Variants in ADGRG4 observed in about 807,000 individuals in gnomAD.
ADGRG4 encodes the protein G protein-coupled receptor 112.
Under a neutral mutation model 126.2 loss-of-function variants are expected in ADGRG4, and 122 were observed. The ratio of observed to expected loss-of-function variants is 0.97; its 90% CI spans 0.83 to 1.12. The LOEUF (loss-of-function observed/expected upper bound fraction) is 1.12, where lower values mean the gene tolerates loss of function less well. ADGRG4 is among the 50% of genes most tolerant of loss of function. The probability of loss-of-function intolerance (pLI) is 0.00; values close to 1 mark genes in which losing one functional copy is unlikely to be tolerated. For synonymous variants in ADGRG4, 943 were observed against 838.7 expected (o/e 1.12, Z -2.15); for missense variants, 2,481 against 2,251.8 (o/e 1.10, Z -2.06).
At chrX:136,399,360 C>G (rs143298371) in intron 20 of ADGRG4, among the ~76,000 whole-genome samples, 3 of 111,909 alleles carry the variant, frequency 2.7e-5, no homozygotes, top group African/African-American at 9.7e-5. Context: ...GGGGGTAATA[C>G]TTTTTTTATT....
Position 136,345,684 on chromosome X carries a change from C to T in ADGRG4, c.1978C>T (p.Pro660Ser), listed in dbSNP as rs747294578. 1 of 1,211,127 alleles carries T rather than the reference C, an allele frequency of 8.3e-7. No individual in the cohort carries two copies. The highest frequency in any genetic ancestry group is 1.1e-6 in the Non-Finnish European group (1 of 894,944). ...CAATGAGACCATTTGGACTTCTAGG[C>T]CAGACCAGGCCCTGCTGGCATCTAT... Reference protein sequence around the residue: ...SSNETIWTSRPDQALLASMNT... With the variant: ...SSNETIWTSRSDQALLASMNT... The change falls in exon 6 of 26, where the codon CCA becomes TCA. Residue 660 changes from proline to serine, a missense_variant. Transcript: ENST00000394143.
intron 21 of ADGRG4, among the ~76,000 whole-genome samples, 178 bp downstream of exon 21, chrX:136,400,294 T>C (rs1396062160): frequency 9.0e-6 from 1 of 111,647 alleles, no homozygotes; most frequent in Non-Finnish European, 1.9e-5. Flanking sequence ...TTAACCTTTA[T>C]GGTGAGGAGC....
chrX:136,393,123 T>C (rs2075328332), intron 17 of ADGRG4, among the ~76,000 whole-genome samples: 2 of 111,792 alleles, frequency 1.8e-5, no homozygotes, highest in African/African-American at 3.3e-5. Context: ...GAATGTTCTG[T>C]AGGCCTAATG....
At chrX:136,395,194 C>T (rs2075339705) in intron 18 of ADGRG4, among the ~76,000 whole-genome samples, 196 bp from the exon 19 acceptor site, 1 of 111,355 alleles carries the variant, frequency 9.0e-6, no homozygotes, top group East Asian at 2.8e-4. Context: ...AGAAGTTGTG[C>T]CATTTACGAA....
intron 16 of ADGRG4, among the ~76,000 whole-genome samples, chrX:136,389,053 G>A (rs1035570633): frequency 3.6e-5 from 4 of 111,716 alleles, no homozygotes; most frequent in Middle Eastern, 4.6e-3. Context: ...CATACCACAC[G>A]CCACCTCAAA....
chrX:136,405,590 A>G (rs2075401405), intron 22 of ADGRG4, 102 bp from the exon 23 acceptor site: 2 of 617,710 alleles, frequency 3.2e-6, no homozygotes, highest in East Asian at 7.1e-5. Flanking sequence ...TCTAGGGCAG[A>G]TGCCCTTAGG....
At chrX:136,406,534 C>T (rs1016662202) in intron 23 of ADGRG4, among the ~76,000 whole-genome samples, 1 of 112,067 alleles carries the variant, frequency 8.9e-6, no homozygotes, top group African/African-American at 3.2e-5. Context: ...GGCCCTAGAG[C>T]TCTTTTAATT....
chrX:136,358,082 A>G (rs2075105488), intron 10 of ADGRG4, among the ~76,000 whole-genome samples: 1 of 111,696 alleles, frequency 9.0e-6, no homozygotes, highest in Non-Finnish European at 1.9e-5. Flanking sequence ...GGAAACAACA[A>G]CAACATGGAA....
Position 136,347,523 on chromosome X carries a change from G to T in ADGRG4, c.3817G>T (p.Glu1273Ter). 8.3e-7 allele frequency: 1 copy of T among 1,209,270 alleles called. No individual in the cohort carries two copies. The highest frequency in any genetic ancestry group is 1.8e-5 in the South Asian group (1 of 56,656). The change falls in exon 6 of 26, where the codon GAG becomes TAG. Residue 1273 changes from glutamate to a stop codon, truncating the protein, a stop_gained. Coordinates refer to ENST00000394143, the MANE Select transcript of ADGRG4 (RefSeq NM_153834.4). LOFTEE classifies it high-confidence loss of function. The stretch of plus-strand genomic sequence containing the variant: ...CCTGGGAAAAACCCCTAGAACTATG[G>T]AGGTGACAGAAATGTCCCCATCAAA... ...ISLGKTPRTM[E>*]VTEMSPSKNS...
rs2148498632 is a variant in ADGRG4, at chrX:136,403,279, G to A, written c.8611G>A (p.Val2871Met). 1 of 1,210,299 alleles carries A rather than the reference G, an allele frequency of 8.3e-7. No homozygotes were observed. Among genetic ancestry groups the A allele is most frequent in the Non-Finnish European group, 1.1e-6 (1 of 894,166 alleles). The part of the protein sequence containing the change: ...PAIMVAITVS[V>M]KKDLYGTLSP... ...TATCATGGTGGCAATCACAGTCAGT[G>A]TGAAAAAAGATCTGTATGGAACTCT... The change falls in exon 22 of 26, where the codon GTG becomes ATG. Residue 2871 changes from valine (V) to methionine (M), a missense_variant. Transcript: ENST00000394143.
At chrX:136,350,455 G>A (rs1379251112) in intron 6 of ADGRG4, 22 bp downstream of exon 6, 3 of 1,177,657 alleles carry the variant, frequency 2.5e-6, no homozygotes, top group Non-Finnish European at 3.4e-6. Flanking sequence ...TAATGCATGT[G>A]GTGTAGCCCC....
Position 136,369,960 on chromosome X carries a change from G to GA in ADGRG4, c.7397-1359dup, listed in dbSNP as rs747648575. Among the ~76,000 whole-genome samples, 25 of 108,399 alleles carry GA rather than the reference G, an allele frequency of 2.3e-4. No homozygotes were observed. In the South Asian group the frequency reaches 3.5e-3, roughly 15 times the overall value. The allele number at this position is 108,399 out of a possible 115,157, so 94.1% of individuals were successfully genotyped here. On this transcript the variant is annotated intron_variant, in intron 13 of 25. Coordinates refer to ENST00000394143, the MANE Select transcript of ADGRG4 (RefSeq NM_153834.4). ...GATGAGAACAGAAAGTTGTTTGCAG[G>GA]AAAAAAAAAGAGAATAAAGAAAGAA...
In ADGRG4 at chrX:136,392,212, C is replaced by A. The variant is rs2075323023; in HGVS notation, c.7912-20C>A. On this transcript the variant is annotated intron_variant, in intron 16 of 25. Coordinates refer to ENST00000394143, the MANE Select transcript of ADGRG4 (RefSeq NM_153834.4). ...AATTAGAAATTTAGGTCCTGAACTC[C>A]TCTTTTGTTTCATCTGCAGACCAAA... 2.6e-6 allele frequency: 3 copies of A among 1,140,928 alleles called. No homozygotes were observed. The highest frequency in any genetic ancestry group is 3.5e-6 in the Non-Finnish European group (3 of 854,986). 94.0% of individuals were successfully genotyped at this position (1,140,928 alleles called of 1,213,427 possible).
chrX:136,415,509 T>C (rs755534035), intron 25 of ADGRG4, among the ~76,000 whole-genome samples: 21 of 111,697 alleles, frequency 1.9e-4, no homozygotes, highest in Non-Finnish European at 3.8e-4. Context: ...GCTGGTTGAC[T>C]AGTGTATAGC....
At chrX:136,385,016 C>T (rs764153906) in intron 15 of ADGRG4, among the ~76,000 whole-genome samples, 1 of 110,712 alleles carries the variant, frequency 9.0e-6, no homozygotes, top group South Asian at 3.9e-4. Context: ...GTTTCCTCAC[C>T]ATTTTCTCTT....
chrX:136,334,878 A>C (rs761091072), intron 5 of ADGRG4, among the ~76,000 whole-genome samples: 1 of 111,422 alleles, frequency 9.0e-6, no homozygotes, highest in Admixed American at 9.5e-5. Context: ...TGCCTTAAAA[A>C]ATTTTTTTTT....
intron 5 of ADGRG4, among the ~76,000 whole-genome samples, chrX:136,334,041 A>T (rs111330174): frequency 2.2e-3 from 243 of 110,657 alleles, no homozygotes; most frequent in Non-Finnish European, 3.2e-3. Flanking sequence ...CAATTTTTGC[A>T]TAAGATGTGT....
Position 136,359,289 on chromosome X carries a change from T to C in ADGRG4, c.6981-3T>C, listed in dbSNP as rs756301476. 1 of 1,200,125 alleles carries C rather than the reference T, an allele frequency of 8.3e-7. No individual in the cohort carries two copies. Reference sequence around the variant, plus strand: ...AATCTTTCTTTTTTATTCTGCTTTGTAGTTGTGTTTGTCAGGTCATCATAA... The same window carrying C: ...AATCTTTCTTTTTTATTCTGCTTTGCAGTTGTGTTTGTCAGGTCATCATAA... On this transcript the variant is annotated splice_region_variant and splice_polypyrimidine_tract_variant and intron_variant, in intron 10 of 25. Transcript: ENST00000394143.
At chrX:136,301,942 T>C (rs1479147259) in intron 1 of ADGRG4, among the ~76,000 whole-genome samples, 1 of 112,026 alleles carries the variant, frequency 8.9e-6, no homozygotes, top group Non-Finnish European at 1.9e-5. Flanking sequence ...TTGGTGTATA[T>C]CTCTGTTTTG....
Sources: gnomAD v4.1 joint callset for allele counts (sites outside exome capture counted in the v4.1 genomes callset) on GRCh38, gnomAD v4.1.1 for gene constraint, MANE v1.5 for transcripts, NCBI Gene and HGNC (gene_info 2026-07-23, HGNC 2026-07-21) for gene names.